Variants in SCN2A observed in about 807,000 individuals in gnomAD.
The protein encoded by SCN2A is sodium channel protein type 2 subunit alpha.
A neutral mutation model predicts 188.7 loss-of-function variants in SCN2A; 20 were observed. The observed-to-expected ratio is 0.11, with a 90% CI of 0.07 to 0.15. The LOEUF is 0.15. Ranked by LOEUF, SCN2A falls within the 10% of genes least tolerant of loss-of-function variation. The pLI is 1.00. For missense variants in SCN2A, 1,278 were observed against 2,445.0 expected (o/e 0.52, Z 10.07); for synonymous variants, 804 against 833.1 (o/e 0.97, Z 0.60).
intron 11 of SCN2A, among the ~76,000 whole-genome samples, chr2:165,319,699 G>C (rs977843899): frequency 6.6e-6 from 1 of 152,148 alleles, no homozygotes; most frequent in Non-Finnish European, 1.5e-5. Flanking sequence ...CCAAGCAAAA[G>C]AAGTTTCTCC....
rs373832509 is a variant in SCN2A, at chr2:165,291,491, T to TTTTC, written c.-51-4263_-51-4260dup. Among the ~76,000 whole-genome samples the TTTTC allele has an allele frequency of 1.7e-3, 66 of 38,858 alleles. 3 individuals are homozygous for TTTTC. Among genetic ancestry groups the TTTTC allele is most frequent in the African/African-American group, 5.1e-3 (56 of 11,018 alleles). 25.5% of individuals were successfully genotyped at this position (38,858 alleles called of 152,430 possible). A position where few individuals can be genotyped will look rare whatever the true frequency, so the allele number is the denominator to read the frequency against. Reference sequence around the variant, plus strand: ...CTTTCTTTCTTTCTTTCTTTCTTTCTTTTCTTTCTTTCTTTCTTTCTTCCT... The same window carrying TTTTC: ...CTTTCTTTCTTTCTTTCTTTCTTTCTTTTCTTTCTTTCTTTCTTTCTTTCTTCCT... On this transcript the variant is annotated intron_variant, in intron 1 of 26. Transcript: ENST00000375437.
intron 1 of SCN2A, among the ~76,000 whole-genome samples, chr2:165,279,920 C>A (rs779637538): frequency 6.6e-6 from 1 of 152,064 alleles, no homozygotes; most frequent in African/African-American, 2.4e-5. Context: ...TCATAAGATC[C>A]GATGGTTGTA....
intron 25 of SCN2A, 115 bp downstream of exon 25, chr2:165,381,312 T>A: frequency 1.4e-6 from 1 of 718,280 alleles, no homozygotes; most frequent in Non-Finnish European, 2.5e-6. Flanking sequence ...TTTTTTACCT[T>A]AACAATGGGA....
intron 1 of SCN2A, among the ~76,000 whole-genome samples, chr2:165,247,541 A>T (rs1343558379): frequency 6.6e-6 from 1 of 152,010 alleles, no homozygotes; most frequent in East Asian, 1.9e-4. Flanking sequence ...CCCTTGATAC[A>T]CTGCCTTCCG....
At chr2:165,356,953 A>C (rs958871623) in intron 17 of SCN2A, among the ~76,000 whole-genome samples, 11 of 152,176 alleles carry the variant, frequency 7.2e-5, no homozygotes, top group African/African-American at 2.7e-4. Flanking sequence ...GGAGGAAGAG[A>C]ACTGACCTGC....
At chr2:165,367,164 A>T in intron 18 of SCN2A, 53 bp from the exon 19 acceptor site, 1 of 1,562,046 alleles carries the variant, frequency 6.4e-7, no homozygotes, top group Non-Finnish European at 8.8e-7. Flanking sequence ...CAACACAAAT[A>T]TACCTAATCA....
chr2:165,282,577 A>G (rs187811105), intron 1 of SCN2A, among the ~76,000 whole-genome samples: 22 of 152,334 alleles, frequency 1.4e-4, no homozygotes, highest in Admixed American at 7.8e-4. Flanking sequence ...TGCTACTTAA[A>G]CAAGTGTCTT....
intron 17 of SCN2A, among the ~76,000 whole-genome samples, chr2:165,355,146 G>T (rs1700116740): frequency 6.6e-6 from 1 of 152,158 alleles, no homozygotes. Flanking sequence ...ATTTACTCAA[G>T]GAAGATCTGA....
chr2:165,331,453 A>T lies in SCN2A; in HGVS notation c.2273A>T (p.Asp758Val). 6.2e-7 allele frequency: 1 copy of T among 1,613,778 alleles called. No individual in the cohort carries two copies. Among genetic ancestry groups the T allele is most frequent in the Non-Finnish European group, 8.5e-7 (1 of 1,179,772 alleles). ...CACCTTGTCAACCTGGTTGTAATGG[A>T]CCCATTTGTTGACCTGGCCATCACC... The part of the protein sequence containing the change: ...VKHLVNLVVM[D>V]PFVDLAITIC... The change falls in exon 14 of 27, where the codon GAC (aspartate) becomes GTC (valine). Residue 758 changes from aspartate to valine, a missense_variant. Around this residue, in one of 17 missense-constraint regions of SCN2A, gnomAD observed 315 missense variants for 386.6 expected, o/e 0.81. Coordinates refer to ENST00000375437, the MANE Select transcript of SCN2A (RefSeq NM_001040142.2).
At chr2:165,345,311 A>G (rs1402722962) in intron 16 of SCN2A, among the ~76,000 whole-genome samples, 1 of 152,222 alleles carries the variant, frequency 6.6e-6, no homozygotes, top group Non-Finnish European at 1.5e-5. Flanking sequence ...TTAAGAGCTC[A>G]TGGGGTTTTC....
intron 1 of SCN2A, among the ~76,000 whole-genome samples, chr2:165,279,802 C>T (rs1695506801): frequency 6.6e-6 from 1 of 152,046 alleles, no homozygotes; most frequent in Admixed American, 6.5e-5. Context: ...TGTGTCCCAC[C>T]CAAATCTCAT....
chr2:165,261,480 A>C (rs1424856039), intron 1 of SCN2A, among the ~76,000 whole-genome samples: 1 of 152,214 alleles, frequency 6.6e-6, no homozygotes, highest in Non-Finnish European at 1.5e-5. Context: ...GAAACAGGGA[A>C]GTTATATACT....
rs1396734376 is a variant in SCN2A, at chr2:165,390,073, G to A, written c.*249G>A. 2.0e-6 allele frequency: 1 copy of A among 508,428 alleles called. No individual in the cohort carries two copies. The highest frequency in any genetic ancestry group is 3.4e-6 in the Non-Finnish European group (1 of 295,258). The allele number at this position is 508,428 out of a possible 1,614,324, so 31.5% of individuals were successfully genotyped here. ...CCAGCTGACACTGCTGAAGAGCAGA[G>A]GCGTAATGGCTACTCAGACGATAGG... On this transcript the variant is annotated 3_prime_UTR_variant, in exon 27 of 27. Transcript: ENST00000375437.
chr2:165,250,598 T>C (rs1331517640), intron 1 of SCN2A, among the ~76,000 whole-genome samples: 1 of 151,832 alleles, frequency 6.6e-6, no homozygotes, highest in African/African-American at 2.4e-5. Flanking sequence ...CATGAGTAAT[T>C]TTTACAACCA....
At chr2:165,346,231 A>G (rs541000201) in intron 16 of SCN2A, among the ~76,000 whole-genome samples, 1 of 152,042 alleles carries the variant, frequency 6.6e-6, no homozygotes, top group African/African-American at 2.4e-5. Flanking sequence ...TGTTCTCTGT[A>G]TTTCCTGAAT....
chr2:165,274,623 A>T (rs1208224263), intron 1 of SCN2A, among the ~76,000 whole-genome samples: 11 of 152,212 alleles, frequency 7.2e-5, no homozygotes, highest in Admixed American at 7.2e-4. Flanking sequence ...TGCCTAGTTT[A>T]AAAATTGTAC....
intron 7 of SCN2A, among the ~76,000 whole-genome samples, chr2:165,310,995 C>A (rs1026396867): frequency 6.6e-6 from 1 of 152,024 alleles, no homozygotes; most frequent in Non-Finnish European, 1.5e-5. Flanking sequence ...GTTGATGCAA[C>A]ATATGTATTG....
At chr2:165,381,945 C>G (rs1463897376) in intron 25 of SCN2A, among the ~76,000 whole-genome samples, 1 of 152,020 alleles carries the variant, frequency 6.6e-6, no homozygotes, top group Non-Finnish European at 1.5e-5. Flanking sequence ...AATCTTGACT[C>G]TATAAATCTA....
intron 17 of SCN2A, among the ~76,000 whole-genome samples, chr2:165,360,117 C>T (rs148763278): frequency 1.4e-3 from 206 of 151,866 alleles, no homozygotes; most frequent in Non-Finnish European, 2.4e-3. Context: ...ATTAAAATCT[C>T]TCTCTCTTTT....
Sources: allele counts gnomAD v4.1 joint callset (sites outside exome capture counted in the v4.1 genomes callset), GRCh38; gene constraint gnomAD v4.1.1; regional missense constraint gnomAD v4.1.1; transcripts MANE v1.5; gene names NCBI Gene and HGNC (gene_info 2026-07-23, HGNC 2026-07-21).